The following PTPRU variants were observed in gnomAD, a reference collection of about 807,000 sequenced individuals.
PTPRU encodes receptor-type tyrosine-protein phosphatase U.
PTPRU carries 69 observed loss-of-function variants against 166.3 expected under a neutral mutation model. The observed-to-expected ratio is 0.41, with a 90% confidence interval of 0.34 to 0.51. The LOEUF is 0.51. Ranked by LOEUF, PTPRU falls within the 20% of genes least tolerant of loss-of-function variation. PTPRU has a pLI of 0.09. For synonymous variants in PTPRU, 793 were observed against 814.0 expected (o/e 0.97, Z 0.44); for missense variants, 1,657 against 2,013.7 (o/e 0.82, Z 3.39).
chr1:29,240,494 T>C (rs1232546314), intron 1 of PTPRU, among the ~76,000 whole-genome samples: 1 of 151,994 alleles, frequency 6.6e-6, no homozygotes, highest in Non-Finnish European at 1.5e-5. Context: ...AGGTAGAGAT[T>C]GAAGAACCAG....
chr1:29,304,705 C>A, intron 16 of PTPRU, 69 bp from the exon 17 acceptor site: 1 of 1,248,428 alleles, frequency 8.0e-7, no homozygotes. Flanking sequence ...TACATCATCC[C>A]CACTGAGGGG....
chr1:29,239,693 TC>T (rs1558539749), intron 1 of PTPRU, among the ~76,000 whole-genome samples: 1 of 151,824 alleles, frequency 6.6e-6, no homozygotes, highest in African/African-American at 2.4e-5. Flanking sequence ...TCCTCCTTCC[TC>T]CCCCTCCCCC....
At position 29,312,615 on chromosome 1, in the gene PTPRU, G is replaced by T. The variant is rs201471973; in HGVS notation, c.3136G>T (p.Val1046Phe). ...FHFTAWPEHG[V>F]PYHATGLLAF... ...CTTCACAGCGTGGCCAGAGCATGGCGTCCCCTACCATGCCACGGGGCTGCT... is the reference window on the plus strand; with the variant it reads ...CTTCACAGCGTGGCCAGAGCATGGCTTCCCCTACCATGCCACGGGGCTGCT... Residue 1046 changes from valine (V) to phenylalanine (F), a missense_variant, in exon 22 of 30, where the codon GTC becomes TTC. Val to Phe is a conservative substitution (Grantham distance 50, BLOSUM62 -1). Coordinates refer to ENST00000373779, the MANE Select transcript of PTPRU (RefSeq NM_133178.4). 6.2e-7 allele frequency: 1 copy of T among 1,611,138 alleles called. No homozygotes were observed. Among genetic ancestry groups the T allele is most frequent in the East Asian group, 2.2e-5 (1 of 44,828 alleles).
Position 29,303,850 on chromosome 1 carries a change from T to C in PTPRU, c.2477-5T>C, listed in dbSNP as rs777679604. Reference sequence around the variant, plus strand: ...AAGAACCCTTTTGTCTTTCTCTGACTGCAGGAGACCAGCGCAGCGGTGGGG... The same window carrying C: ...AAGAACCCTTTTGTCTTTCTCTGACCGCAGGAGACCAGCGCAGCGGTGGGG... On this transcript the variant is annotated splice_region_variant and splice_polypyrimidine_tract_variant and intron_variant, in intron 15 of 29. Transcript: ENST00000373779. 3.8e-5 allele frequency: 61 copies of C among 1,599,832 alleles called. 2 individuals are homozygous for C. In the South Asian group the frequency reaches 6.4e-4, roughly 17 times the overall value.
chr1:29,276,100 A>C (rs913135229), intron 8 of PTPRU, among the ~76,000 whole-genome samples: 2 of 152,158 alleles, frequency 1.3e-5, no homozygotes, highest in African/African-American at 4.8e-5. Context: ...TGTATTTTTT[A>C]AGGAATTTGT....
chr1:29,310,974 C>T (rs766467179), intron 19 of PTPRU, among the ~76,000 whole-genome samples, 194 bp downstream of exon 19: 1 of 152,162 alleles, frequency 6.6e-6, no homozygotes, highest in Non-Finnish European at 1.5e-5. Flanking sequence ...GGCCAACTGC[C>T]TTTGTCCCCT....
intron 7 of PTPRU, among the ~76,000 whole-genome samples, chr1:29,270,577 G>C (rs1189145137): frequency 6.6e-6 from 1 of 152,174 alleles, no homozygotes; most frequent in Admixed American, 6.5e-5. Context: ...TGAGATTACA[G>C]GCATGAGCTA....
intron 22 of PTPRU, among the ~76,000 whole-genome samples, chr1:29,313,926 C>T (rs556168945): frequency 4.7e-4 from 71 of 152,250 alleles, no homozygotes; most frequent in African/African-American, 1.7e-3. Flanking sequence ...CCCTTGAACC[C>T]GTTTCTGGCC....
chr1:29,278,675 C>A (rs1685923600), intron 8 of PTPRU, among the ~76,000 whole-genome samples: 1 of 152,150 alleles, frequency 6.6e-6, no homozygotes, highest in Non-Finnish European at 1.5e-5. Context: ...TGAAAACTAC[C>A]CAACTGGAAC....
chr1:29,270,011 T>A (rs1037991956), intron 7 of PTPRU, among the ~76,000 whole-genome samples: 1 of 152,204 alleles, frequency 6.6e-6, no homozygotes, highest in African/African-American at 2.4e-5. Flanking sequence ...TAATACTATA[T>A]TGAGAAACCT....
At chr1:29,283,062 C>T in intron 12 of PTPRU, 113 bp downstream of exon 12, 10 of 1,434,046 alleles carry the variant, frequency 7.0e-6, no homozygotes, top group Non-Finnish European at 8.5e-6. Context: ...TTCCCATAGC[C>T]CCACCTCCCA....
At position 29,291,978 on chromosome 1, in the gene PTPRU, G is replaced by T; in HGVS notation, c.2428G>T (p.Glu810Ter). 1 of 1,614,184 alleles carries T rather than the reference G, an allele frequency of 6.2e-7. No individual in the cohort carries two copies. The highest frequency in any genetic ancestry group is 8.5e-7 in the Non-Finnish European group (1 of 1,180,028). ...AGACCAGAGCACCCTGCAGGAGGAC[G>T]AGCGGCTGGGCCTGTCCTTCATGGA... ...FTDQSTLQED[E>*]RLGLSFMDTH... is the part of the protein sequence containing the mutation. The change falls in exon 15 of 30, where the codon GAG (glutamate) becomes TAG (stop). Residue 810 changes from glutamate to a stop codon, truncating the protein, a stop_gained. Coordinates refer to ENST00000373779, the MANE Select transcript of PTPRU (RefSeq NM_133178.4). LOFTEE classifies it high-confidence loss of function. The surrounding 1 kb of genome is among the most constrained non-coding windows in gnomAD (Gnocchi z 4.1).
At chr1:29,307,814 G>A (rs1270575381) in intron 18 of PTPRU, among the ~76,000 whole-genome samples, 3 of 141,114 alleles carry the variant, frequency 2.1e-5, no homozygotes, top group East Asian at 2.1e-4. Flanking sequence ...AGGCTGGAGC[G>A]CAGTGGCACG....
chr1:29,289,741 C>G (rs1421327318), intron 14 of PTPRU: 2 of 1,611,994 alleles, frequency 1.2e-6, no homozygotes, highest in East Asian at 2.2e-5. Flanking sequence ...CCTGGGAGTC[C>G]CCGGCCCTGC....
chr1:29,305,690 T>C (rs900519438), intron 18 of PTPRU: 46 of 651,338 alleles, frequency 7.1e-5, no homozygotes, highest in Non-Finnish European at 1.2e-4. Context: ...GGCAGACAGC[T>C]AGGCCAAGAG....
chr1:29,320,890 A>T lies in PTPRU; in HGVS notation c.3828+65A>T, dbSNP rs1488964342. The T allele has an allele frequency of 7.0e-6, 10 of 1,428,268 alleles. No homozygotes were observed. In the East Asian group the frequency reaches 2.2e-4, roughly 32 times the overall value. 88.5% of individuals were successfully genotyped at this position (1,428,268 alleles called of 1,614,324 possible). A position where few individuals can be genotyped will look rare whatever the true frequency, so the allele number is the denominator to read the frequency against. Reference sequence around the variant, plus strand: ...CCAGGTCCTCTGTGTATTCAGGGCCATGGTCCCCAAAGCCAAAAGTTGGGT... The same window carrying T: ...CCAGGTCCTCTGTGTATTCAGGGCCTTGGTCCCCAAAGCCAAAAGTTGGGT... On this transcript the variant is annotated intron_variant, in intron 26 of 29. Coordinates refer to ENST00000373779, the MANE Select transcript of PTPRU (RefSeq NM_133178.4). The surrounding 1 kb of genome is among the most constrained non-coding windows in gnomAD (Gnocchi z 5.2).
In PTPRU at chr1:29,237,315, T is replaced by G. The variant is rs1372177512; in HGVS notation, c.73+598T>G. Among the ~76,000 whole-genome samples, 1 of 151,492 alleles carries G rather than the reference T, an allele frequency of 6.6e-6. No homozygotes were observed. The highest frequency in any genetic ancestry group is 2.1e-4 in the South Asian group (1 of 4,806). ...TGTGTGTCCGTGCGCTGTGTACGTGTGGGGAGTGTCTAGGGTATGTGGTGT... is the reference window on the plus strand; with the variant it reads ...TGTGTGTCCGTGCGCTGTGTACGTGGGGGGAGTGTCTAGGGTATGTGGTGT... On this transcript the variant is annotated intron_variant, in intron 1 of 29. Transcript: ENST00000373779. The surrounding 1 kb of genome is among the most constrained non-coding windows in gnomAD (Gnocchi z 6.4).
rs759068060 is a variant in PTPRU at position 29,255,311 on chromosome 1, T to C, written c.110T>C (p.Val37Ala). 6.2e-7 allele frequency: 1 copy of C among 1,613,952 alleles called. No individual in the cohort carries two copies. The highest frequency in any genetic ancestry group is 8.5e-7 in the Non-Finnish European group (1 of 1,179,934). Residue 37 changes from valine (V) to alanine (A), a missense_variant, in exon 2 of 30, where the codon GTG (valine) becomes GCG (alanine). Around this residue, in one of 3 missense-constraint regions of PTPRU, gnomAD observed 453 missense variants for 496.9 expected, o/e 0.91. Transcript: ENST00000373779. ...TTCGAGGAGGCAAGTGACCCAGCAG[T>C]GCCCTGCGAGTACAGCCAGGCCCAG... ...CTFEEASDPAVPCEYSQAQYD... is the reference protein window; with the variant it reads ...CTFEEASDPAAPCEYSQAQYD...
Position 29,260,040 on chromosome 1 carries a change from C to T in PTPRU, c.846C>T (p.Val282=), listed in dbSNP as rs1273243204. The T allele has an allele frequency of 6.9e-7, 1 of 1,442,830 alleles. No individual in the cohort carries two copies. The highest frequency in any genetic ancestry group is 9.1e-7 in the Non-Finnish European group (1 of 1,103,898). The allele number at this position is 1,442,830 out of a possible 1,614,324, so 89.4% of individuals were successfully genotyped here. ...TCTCTAACTTCGCGGAGCTCATCGTCAAGGGTCAGCTGGTGGACGCCGGGG... is the reference window on the plus strand; with the variant it reads ...TCTCTAACTTCGCGGAGCTCATCGTTAAGGGTCAGCTGGTGGACGCCGGGG... ...AGVSNFAELI[V]KEPPTPIAPP... is the part of the protein sequence containing the mutation. The change falls in exon 6 of 30, where the codon GTC becomes GTT. Residue 282 remains valine, a synonymous_variant. Coordinates refer to ENST00000373779, the MANE Select transcript of PTPRU (RefSeq NM_133178.4). This position sits in a 1 kb window ranked among gnomAD's most constrained non-coding sequence, Gnocchi z 8.3.
Sources: gnomAD v4.1 joint callset for allele counts (sites outside exome capture counted in the v4.1 genomes callset) on GRCh38, gnomAD v4.1.1 for gene constraint, gnomAD v4.1.1 regional missense constraint, Gnocchi (gnomAD v3.1) non-coding constraint, MANE v1.5 for transcripts, NCBI Gene and HGNC (gene_info 2026-07-23, HGNC 2026-07-21) for gene names.